Variants in TCF12 observed in about 807,000 individuals in gnomAD.
TCF12 encodes the protein DNA-binding protein HTF4.
Under a neutral mutation model 86.0 loss-of-function variants are expected in TCF12, and 45 were observed. The ratio of observed to expected loss-of-function variants is 0.52; its 90% CI spans 0.41 to 0.67. The LOEUF (loss-of-function observed/expected upper bound fraction) is 0.67. Ranked by LOEUF, TCF12 falls within the 30% of genes least tolerant of loss-of-function variation. The pLI is 0.00. For synonymous variants in TCF12, 330 were observed against 299.6 expected (o/e 1.10, Z -1.05); for missense variants, 881 against 859.9 (o/e 1.02, Z -0.31).
intron 8 of TCF12, among the ~76,000 whole-genome samples, chr15:57,207,800 C>G (rs867392456): frequency 6.6e-5 from 10 of 152,002 alleles, no homozygotes; most frequent in Admixed American, 1.3e-4. Flanking sequence ...TCAGTATCTT[C>G]TCCAGTAACA....
At chr15:56,957,560 T>G (rs898987438) in intron 3 of TCF12, among the ~76,000 whole-genome samples, 12 of 152,202 alleles carry the variant, frequency 7.9e-5, no homozygotes, top group African/African-American at 2.9e-4. Flanking sequence ...CAAGTTTGAT[T>G]TGTGTCTTTT....
Position 57,232,837 on chromosome 15 carries a change from T to C in TCF12, c.951T>C (p.Asn317=). ...CTGCCTCACACACTCCTCCCATCAATGGATCAGACAGCATTCTAGGTGAGC... is the reference window on the plus strand; with the variant it reads ...CTGCCTCACACACTCCTCCCATCAACGGATCAGACAGCATTCTAGGTGAGC... ...YVAASHTPPI[N]GSDSILGTRG... is the part of the protein sequence containing the mutation. The change falls in exon 11 of 21, where the codon AAT becomes AAC. Residue 317 remains asparagine (N), a synonymous_variant. Transcript: ENST00000333725. 1 of 1,601,908 alleles carries C rather than the reference T, an allele frequency of 6.2e-7. No individual in the cohort carries two copies. The highest frequency in any genetic ancestry group is 8.5e-7 in the Non-Finnish European group (1 of 1,174,276).
At chr15:56,922,121 T>C (rs1358608477) in intron 3 of TCF12, among the ~76,000 whole-genome samples, 1 of 151,942 alleles carries the variant, frequency 6.6e-6, no homozygotes, top group African/African-American at 2.4e-5. Context: ...TTGAAAATTG[T>C]TACTTTTTGG....
At chr15:57,078,117 C>A (rs546627629) in intron 4 of TCF12, among the ~76,000 whole-genome samples, 1 of 152,210 alleles carries the variant, frequency 6.6e-6, no homozygotes, top group African/African-American at 2.4e-5. Context: ...ACTTTATTTT[C>A]CAGTTATCAA....
chr15:57,250,545 G>A (rs139949855), intron 13 of TCF12, among the ~76,000 whole-genome samples: 21 of 152,110 alleles, frequency 1.4e-4, no homozygotes, highest in African/African-American at 4.3e-4. Context: ...CCTGGCCAAC[G>A]TAGTGAAACG....
intron 8 of TCF12, 100 bp from the exon 9 acceptor site, chr15:57,231,052 G>A: frequency 1.3e-6 from 1 of 785,198 alleles, no homozygotes; most frequent in Non-Finnish European, 2.1e-6. Context: ...ATAAAAATTA[G>A]ATAGGCCTTT....
intron 8 of TCF12, among the ~76,000 whole-genome samples, chr15:57,215,966 A>T (rs763699099): frequency 2.6e-5 from 4 of 152,160 alleles, no homozygotes; most frequent in African/African-American, 9.6e-5. Context: ...CCTGGAATTT[A>T]AACTGAAGTT....
chr15:57,241,849 C>T (rs1478156879), intron 12 of TCF12, among the ~76,000 whole-genome samples: 6 of 152,056 alleles, frequency 3.9e-5, no homozygotes, highest in Admixed American at 3.9e-4. Flanking sequence ...AAAAATTAGC[C>T]AGGCTTGGTG....
At chr15:56,960,499 G>A (rs375231092) in intron 3 of TCF12, among the ~76,000 whole-genome samples, 12 of 148,454 alleles carry the variant, frequency 8.1e-5, no homozygotes, top group Admixed American at 3.4e-4. Flanking sequence ...GCATAATCTC[G>A]GCTCACTGGA....
At chr15:57,164,891 C>T (rs151045374) in intron 5 of TCF12, among the ~76,000 whole-genome samples, 17 of 152,114 alleles carry the variant, frequency 1.1e-4, no homozygotes, top group African/African-American at 3.4e-4. Flanking sequence ...ATTTTGGCCA[C>T]GCTGGTCTTG....
intron 5 of TCF12, among the ~76,000 whole-genome samples, chr15:57,112,686 A>G (rs2050575110): frequency 6.6e-6 from 1 of 152,206 alleles, no homozygotes; most frequent in Admixed American, 6.5e-5. Context: ...GAGTTTTACT[A>G]TAGTATCTCT....
chr15:57,075,804 T>TCTCTCTCTCTCTCTCTC (rs1567370603), intron 4 of TCF12, among the ~76,000 whole-genome samples: 13 of 28,596 alleles, frequency 4.5e-4, no homozygotes, highest in East Asian at 1.5e-3. Flanking sequence ...CTTTCTTTCT[T>TCTCTCTCTCTCTCTCTC]TCTCTCTCTC....
At chr15:57,128,661 GA>G (rs1344046913) in intron 5 of TCF12, among the ~76,000 whole-genome samples, 3 of 152,140 alleles carry the variant, frequency 2.0e-5, no homozygotes, top group African/African-American at 7.2e-5. Flanking sequence ...ACCCCATGAG[GA>G]AACCCCGTAC....
At chr15:57,192,357 C>G (rs2057026407) in intron 7 of TCF12, 64 bp downstream of exon 7, 6 of 1,547,782 alleles carry the variant, frequency 3.9e-6, no homozygotes, top group South Asian at 3.7e-5. Context: ...CTCCCATAAT[C>G]TGTACTTCTG....
At chr15:57,032,202 AG>A (rs1281502824) in intron 3 of TCF12, among the ~76,000 whole-genome samples, 1 of 152,192 alleles carries the variant, frequency 6.6e-6, no homozygotes, top group African/African-American at 2.4e-5. Context: ...CTTTAAAAAC[AG>A]GTATGAGATA....
chr15:57,080,438 C>A (rs1473096165), intron 4 of TCF12, among the ~76,000 whole-genome samples: 1 of 152,120 alleles, frequency 6.6e-6, no homozygotes, highest in Admixed American at 6.5e-5. Context: ...TGTCCTTTAG[C>A]CAGATAATCA....
intron 3 of TCF12, among the ~76,000 whole-genome samples, chr15:57,014,328 C>A (rs1227884844): frequency 6.6e-6 from 1 of 151,936 alleles, no homozygotes; most frequent in East Asian, 1.9e-4. Context: ...CTACAGTGGG[C>A]TGTTAGTCAG....
chr15:57,088,756 A>T (rs1349838926), intron 4 of TCF12, among the ~76,000 whole-genome samples: 4 of 152,116 alleles, frequency 2.6e-5, no homozygotes, highest in African/African-American at 9.7e-5. Context: ...CCAAGACCTT[A>T]TGCATCTTAA....
intron 3 of TCF12, among the ~76,000 whole-genome samples, chr15:56,973,702 A>G (rs2062456849): frequency 6.6e-6 from 1 of 152,176 alleles, no homozygotes; most frequent in Non-Finnish European, 1.5e-5. Context: ...ACATAGATAG[A>G]TTGAAGATAC....
Sources: gnomAD v4.1 joint callset for allele counts (sites outside exome capture counted in the v4.1 genomes callset) on GRCh38, gnomAD v4.1.1 for gene constraint, MANE v1.5 for transcripts, NCBI Gene and HGNC (gene_info 2026-07-23, HGNC 2026-07-21) for gene names.